Variants in CA10 observed in about 807,000 individuals in gnomAD.
The protein encoded by CA10 is carbonic anhydrase 10 (inactive), also known as carbonic anhydrase-related protein 10.
Under a neutral mutation model 44.2 loss-of-function variants are expected in CA10, and 14 were observed. The observed-to-expected ratio is 0.32, with a 90% confidence interval of 0.21 to 0.50. The LOEUF (loss-of-function observed/expected upper bound fraction) is 0.50. Ranked by LOEUF, CA10 falls within the 20% of genes least tolerant of loss-of-function variation. CA10 has a pLI of 0.99. For missense variants in CA10, 350 were observed against 409.7 expected, an observed-to-expected ratio of 0.85 and a Z score of 1.26; for synonymous variants, 159 against 141.6, an observed-to-expected ratio of 1.12 and a Z score of -0.87.
intron 1 of CA10, among the ~76,000 whole-genome samples, chr17:52,099,335 A>G (rs1423199109): frequency 3.3e-5 from 5 of 152,222 alleles, no homozygotes; most frequent in Admixed American, 1.3e-4. Flanking sequence ...GCTGACCTAC[A>G]TAAGTCAGGG....
chr17:51,789,342 T>C (rs1371406528), intron 3 of CA10, among the ~76,000 whole-genome samples: 2 of 152,218 alleles, frequency 1.3e-5, no homozygotes, highest in Non-Finnish European at 2.9e-5. Flanking sequence ...ATAAGAGACA[T>C]TTACATCATG....
chr17:51,964,053 T>G (rs567129021), intron 2 of CA10, among the ~76,000 whole-genome samples: 1 of 152,022 alleles, frequency 6.6e-6, no homozygotes, highest in East Asian at 1.9e-4. Context: ...TAGGTTAAAG[T>G]AAAGGGCTGG....
intron 3 of CA10, among the ~76,000 whole-genome samples, chr17:51,756,619 G>A (rs1905089011): frequency 6.6e-6 from 1 of 151,760 alleles, no homozygotes; most frequent in African/African-American, 2.4e-5. Context: ...ACAGGCGCCC[G>A]CCACCATGCC....
intron 2 of CA10, among the ~76,000 whole-genome samples, chr17:51,983,168 C>G (rs914268882): frequency 6.6e-6 from 1 of 151,750 alleles, no homozygotes; most frequent in South Asian, 2.1e-4. Flanking sequence ...CATTTATCCA[C>G]CATGAAACTA....
intron 3 of CA10, among the ~76,000 whole-genome samples, chr17:51,836,024 C>A (rs1205229942): frequency 6.6e-6 from 1 of 151,442 alleles, no homozygotes; most frequent in Non-Finnish European, 1.5e-5. Context: ...GACCCAAGGG[C>A]AAGGAGAGGA....
rs60171161 is a variant in CA10 at position 51,882,463 on chromosome 17, T to A, written c.279+48527A>T. Among the ~76,000 whole-genome samples the A allele has an allele frequency of 6.9e-3, 1,051 of 152,258 alleles. 15 individuals are homozygous for A. The highest frequency in any genetic ancestry group is 0.023 in the African/African-American group (975 of 41,536). ...TGTAAATTGTGTGTGTGTATGGGTGTTGGGGGAGGATGGCAATCCATCTTC... is the reference window on the plus strand; with the variant it reads ...TGTAAATTGTGTGTGTGTATGGGTGATGGGGGAGGATGGCAATCCATCTTC... On this transcript the variant is annotated intron_variant, in intron 3 of 8. Coordinates refer to ENST00000451037, the MANE Select transcript of CA10 (RefSeq NM_020178.5).
intron 1 of CA10, among the ~76,000 whole-genome samples, chr17:52,095,871 A>C (rs1301718692): frequency 6.6e-6 from 1 of 152,208 alleles, no homozygotes; most frequent in Non-Finnish European, 1.5e-5. Context: ...AGGTAAGGAT[A>C]TAACATGACG....
At chr17:52,041,130 C>T (rs182305146) in intron 2 of CA10, among the ~76,000 whole-genome samples, 1 of 151,948 alleles carries the variant, frequency 6.6e-6, no homozygotes, top group Non-Finnish European at 1.5e-5. Context: ...TTCCAAGTAG[C>T]TTAACTGCAT....
intron 3 of CA10, among the ~76,000 whole-genome samples, chr17:51,918,291 G>A (rs1982084156): frequency 6.6e-6 from 1 of 152,184 alleles, no homozygotes; most frequent in Non-Finnish European, 1.5e-5. Flanking sequence ...GGAAGCAAGA[G>A]TGGCTTTTCC....
At chr17:51,956,690 TA>T (rs1983677515) in intron 2 of CA10, among the ~76,000 whole-genome samples, 1 of 152,058 alleles carries the variant, frequency 6.6e-6, no homozygotes, top group African/African-American at 2.4e-5. Context: ...GCCCTTAGGG[TA>T]GAAAAGAAAT....
intron 2 of CA10, among the ~76,000 whole-genome samples, chr17:51,969,251 C>G (rs1984191686): frequency 6.6e-6 from 1 of 151,998 alleles, no homozygotes; most frequent in African/African-American, 2.4e-5. Context: ...ACCATCTTCT[C>G]TGTGACAGAC....
intron 3 of CA10, among the ~76,000 whole-genome samples, chr17:51,778,154 C>T (rs1905905215): frequency 6.6e-6 from 1 of 152,186 alleles, no homozygotes; most frequent in Admixed American, 6.5e-5. Context: ...TCAGAAAGTG[C>T]ACTCTCATTC....
chr17:52,039,498 A>G (rs902527399), intron 2 of CA10, among the ~76,000 whole-genome samples: 3 of 152,012 alleles, frequency 2.0e-5, no homozygotes, highest in African/African-American at 7.2e-5. Flanking sequence ...GGCTGAACCA[A>G]TGGGCTCCCT....
At chr17:52,159,481 T>C (rs768039967), upstream of CA10, 3 of 152,254 alleles carry the variant, frequency 2.0e-5, no homozygotes, top group Non-Finnish European at 4.4e-5. Context: ...CCTTCTTGTC[T>C]TTCTTTTATT....
chr17:51,750,526 C>T (rs1019171371), intron 3 of CA10, among the ~76,000 whole-genome samples: 3 of 152,084 alleles, frequency 2.0e-5, no homozygotes, highest in Non-Finnish European at 4.4e-5. Flanking sequence ...TAAAAAAAAT[C>T]TGTAATAAAC....
intron 2 of CA10, among the ~76,000 whole-genome samples, chr17:51,988,736 T>C (rs1047408239): frequency 3.9e-5 from 6 of 151,996 alleles, no homozygotes; most frequent in African/African-American, 1.4e-4. Context: ...AATCTGTTGG[T>C]AAAAATGTCC....
intron 4 of CA10, among the ~76,000 whole-genome samples, chr17:51,737,158 G>C (rs1916939621): frequency 6.6e-6 from 1 of 152,140 alleles, no homozygotes; most frequent in African/African-American, 2.4e-5. Context: ...CAGAGACCTG[G>C]GTTCTCTTCC....
chr17:51,849,254 T>A (rs1204101857), intron 3 of CA10, among the ~76,000 whole-genome samples: 2 of 137,740 alleles, frequency 1.5e-5, no homozygotes, highest in Non-Finnish European at 3.1e-5. Context: ...TATATATATA[T>A]ATATATATAT....
chr17:52,141,013 A>G (rs1019078593), intron 1 of CA10, among the ~76,000 whole-genome samples: 2 of 152,060 alleles, frequency 1.3e-5, no homozygotes, highest in Non-Finnish European at 2.9e-5. Context: ...TCTCCAGGTG[A>G]TGTTCTTATT....
Sources: gnomAD v4.1 joint callset for allele counts (sites outside exome capture counted in the v4.1 genomes callset) on GRCh38, gnomAD v4.1.1 for gene constraint, MANE v1.5 for transcripts, NCBI Gene and HGNC (gene_info 2026-07-23, HGNC 2026-07-21) for gene names.